The following PRKCSH variants were observed in gnomAD, a reference collection of about 807,000 sequenced individuals.
The protein encoded by PRKCSH is PRKCSH beta subunit of glucosidase II.
In PRKCSH, 42 loss-of-function variants were observed where a neutral mutation model predicts 79.7. That is an observed-to-expected ratio of 0.53 (90% CI 0.41 to 0.68). The LOEUF is 0.68. Among genes scored for constraint, PRKCSH ranks in the 30% least tolerant of loss-of-function variants. PRKCSH has a pLI of 0.00. For missense variants in PRKCSH, 686 were observed against 709.0 expected (o/e 0.97, Z 0.37); for synonymous variants, 325 against 288.2 (o/e 1.13, Z -1.29).
rs930267830 is a variant in PRKCSH, at chr19:11,449,637, G to A, written c.*16+209G>A. The A allele has an allele frequency of 2.1e-5, 13 of 624,058 alleles. No individual in the cohort carries two copies. Among genetic ancestry groups the A allele is most frequent in the Non-Finnish European group, 3.6e-5 (13 of 362,174 alleles). The allele number at this position is 624,058 out of a possible 1,614,324, so 38.7% of individuals were successfully genotyped here. A position where few individuals can be genotyped will look rare whatever the true frequency, so the allele number is the denominator to read the frequency against. ...AGCTGACTGCAACCTCTACCTCCCG[G>A]GTTCAAACAATTGTCTTGTCTCAGC... is the stretch of plus-strand genomic sequence containing the variant. On this transcript the variant is annotated intron_variant, in intron 17 of 17. Coordinates refer to ENST00000677123, the MANE Select transcript of PRKCSH (RefSeq NM_001289104.2). The surrounding 1 kb of genome is among the most constrained non-coding windows in gnomAD (Gnocchi z 6.4).
intron 7 of PRKCSH, 105 bp from the exon 8 acceptor site, chr19:11,445,284 G>A (rs928805211): frequency 9.7e-6 from 10 of 1,030,942 alleles, no homozygotes; most frequent in East Asian, 9.5e-5. Flanking sequence ...TCCAGCATGG[G>A]GCCAGGCATA....
chr19:11,436,009 C>G lies in PRKCSH; in HGVS notation c.-77-32C>G, dbSNP rs1055797698. 29 of 1,451,822 alleles carry G rather than the reference C, an allele frequency of 2.0e-5. No homozygotes were observed. In the East Asian group the frequency reaches 6.6e-4, roughly 33 times the overall value. 89.9% of individuals were successfully genotyped at this position (1,451,822 alleles called of 1,614,324 possible). ...TCCAATTGGCTGGAAGTAGCCCTCTCCCACTGACCGGGATCCGCTTTCTTC... is the reference window on the plus strand; with the variant it reads ...TCCAATTGGCTGGAAGTAGCCCTCTGCCACTGACCGGGATCCGCTTTCTTC... On this transcript the variant is annotated intron_variant, in intron 1 of 17. Transcript: ENST00000677123.
rs565724682 is a variant in PRKCSH at position 11,447,341 on chromosome 19, G to A, written c.850-98G>A. On this transcript the variant is annotated intron_variant, in intron 10 of 17. Transcript: ENST00000677123. The surrounding 1 kb of genome is among the most constrained non-coding windows in gnomAD (Gnocchi z 5.6). Reference sequence around the variant, plus strand: ...TCCTCCCTGCAGGCCCCGCAGGAGGGGCAGAGACACCGAGGCTGCCCCTTG... The same window carrying A: ...TCCTCCCTGCAGGCCCCGCAGGAGGAGCAGAGACACCGAGGCTGCCCCTTG... 1.3e-5 allele frequency: 18 copies of A among 1,429,022 alleles called. No individual in the cohort carries two copies. In the South Asian group the frequency reaches 1.8e-4, roughly 14 times the overall value. The allele number at this position is 1,429,022 out of a possible 1,614,324, so 88.5% of individuals were successfully genotyped here. A position where few individuals can be genotyped will look rare whatever the true frequency, so the allele number is the denominator to read the frequency against.
chr19:11,445,093 T>C (rs1970233072), intron 7 of PRKCSH, among the ~76,000 whole-genome samples: 1 of 152,132 alleles, frequency 6.6e-6, no homozygotes, highest in Admixed American at 6.5e-5. Flanking sequence ...GGCTGCCCTC[T>C]GCCACCTGGG....
Position 11,437,891 on chromosome 19 carries a change from C to G in PRKCSH, c.212C>G (p.Pro71Arg). 1.2e-6 allele frequency: 2 copies of G among 1,614,170 alleles called. No individual in the cohort carries two copies. Among genetic ancestry groups the G allele is most frequent in the East Asian group, 2.2e-5 (1 of 44,890 alleles). The change falls in exon 4 of 18, where the codon CCT becomes CGT. Residue 71 changes from proline (P) to arginine (R), a missense_variant. Physicochemically the swap from Pro to Arg is moderately radical, Grantham distance 103. Coordinates refer to ENST00000677123, the MANE Select transcript of PRKCSH (RefSeq NM_001289104.2). ...TTCCTCACAGGCACGGCTGCCTGTC[C>G]TAATGGCAGCTTCCACTGCACCAAC... ...GSDEPGTAACPNGSFHCTNTG... is the reference protein window; with the variant it reads ...GSDEPGTAACRNGSFHCTNTG...
In PRKCSH at chr19:11,448,124, ATG is replaced by A; in HGVS notation, c.1127-97_1127-96del. 1 of 1,298,872 alleles carries A rather than the reference ATG, an allele frequency of 7.7e-7. No individual in the cohort carries two copies. Among genetic ancestry groups the A allele is most frequent in the Non-Finnish European group, 1.1e-6 (1 of 918,764 alleles). 80.5% of individuals were successfully genotyped at this position (1,298,872 alleles called of 1,614,324 possible). A position where few individuals can be genotyped will look rare whatever the true frequency, so the allele number is the denominator to read the frequency against. On this transcript the variant is annotated intron_variant, in intron 12 of 17. Transcript: ENST00000677123. This position sits in a 1 kb window ranked among gnomAD's most constrained non-coding sequence, Gnocchi z 4.4. ...GGGTGAAGTCCTTGGCCAGAGCAAA[ATG>A]AGGGTATGGGAGCACACAGCCACAT...
intron 9 of PRKCSH, among the ~76,000 whole-genome samples, 184 bp downstream of exon 9, chr19:11,446,534 C>A (rs1017816582): frequency 6.6e-6 from 1 of 151,962 alleles, no homozygotes; most frequent in South Asian, 2.1e-4. Flanking sequence ...AGCCAGGTCG[C>A]GCTGGAGCCC....
At chr19:11,446,046 T>A (rs1341053611) in intron 8 of PRKCSH, among the ~76,000 whole-genome samples, 1 of 151,526 alleles carries the variant, frequency 6.6e-6, no homozygotes, top group Non-Finnish European at 1.5e-5. Flanking sequence ...CATCGGACAT[T>A]TGGGGGTCCA....
In PRKCSH at chr19:11,449,133, G is replaced by C. The variant is rs1209749173; in HGVS notation, c.1419G>C (p.Glu473Asp). ...DHDKFSAMKY[E>D]QGTGCWQGPN... ...ACAAGTTCAGTGCCATGAAGTATGA[G>C]CAAGGCACGGGCTGCTGGCAGGGCC... Residue 473 changes from glutamate to aspartate, a missense_variant, in exon 16 of 18, where the codon GAG becomes GAC. By Grantham distance (45) the Glu-to-Asp change is conservative. This residue lies in a region of PRKCSH where 137 missense variants were observed against 188.8 expected (regional missense o/e 0.73). Transcript: ENST00000677123. This position sits in a 1 kb window ranked among gnomAD's most constrained non-coding sequence, Gnocchi z 6.4. 4.3e-6 allele frequency: 7 copies of C among 1,613,736 alleles called. No individual in the cohort carries two copies. The highest frequency in any genetic ancestry group is 4.0e-5 in the African/African-American group (3 of 74,928).
chr19:11,438,950 C>T (rs550906335), intron 5 of PRKCSH, among the ~76,000 whole-genome samples: 7 of 151,756 alleles, frequency 4.6e-5, no homozygotes, highest in Non-Finnish European at 8.8e-5. Context: ...CTCTGTCGCC[C>T]AGGCTGGAGT....
In PRKCSH at chr19:11,438,098, C is replaced by T. The variant is rs368596083; in HGVS notation, c.324C>T (p.Ser108=). 85 of 1,614,122 alleles carry T rather than the reference C, an allele frequency of 5.3e-5. 2 individuals are homozygous for T. The highest frequency in any genetic ancestry group is 4.1e-4 in the South Asian group (37 of 91,070). ...GCGATGGAACAGACGAGTACAACAG[C>T]GGCGTCATCTGTGAGAACACCTGCA... ...DCCDGTDEYN[S]GVICENTCKE... Residue 108 remains serine, a synonymous_variant, in exon 5 of 18, where the codon AGC becomes AGT. Coordinates refer to ENST00000677123, the MANE Select transcript of PRKCSH (RefSeq NM_001289104.2).
In PRKCSH at chr19:11,450,756, C is replaced by A. The variant is rs1017055198; in HGVS notation, c.*127C>A. On this transcript the variant is annotated 3_prime_UTR_variant, in exon 18 of 18. Coordinates refer to ENST00000677123, the MANE Select transcript of PRKCSH (RefSeq NM_001289104.2). Reference sequence around the variant, plus strand: ...TGGCGGCAGGACCTTTGTGGGGCTTCGTGCCCTGCTCTGGGGCCCAGGCGG... The same window carrying A: ...TGGCGGCAGGACCTTTGTGGGGCTTAGTGCCCTGCTCTGGGGCCCAGGCGG... 2.0e-5 allele frequency: 3 copies of A among 152,306 alleles called. No individual in the cohort carries two copies. The allele number at this position is 152,306 out of a possible 1,614,324, so 9.4% of individuals were successfully genotyped here.
Position 11,447,450 on chromosome 19 carries a change from C to T in PRKCSH, c.861C>T (p.Thr287=), listed in dbSNP as rs149732361. 102 of 1,613,868 alleles carry T rather than the reference C, an allele frequency of 6.3e-5. 1 individual carries two copies. In the South Asian group the frequency reaches 8.3e-4, roughly 13 times the overall value. The part of the protein sequence containing the change: ...RDKYRSEALP[T]DLPAPSAPDL... Reference sequence around the variant, plus strand: ...TGCTCACCCGCCAGGCACTGCCCACCGACCTTCCAGCACCTTCTGCCCCTG... The same window carrying T: ...TGCTCACCCGCCAGGCACTGCCCACTGACCTTCCAGCACCTTCTGCCCCTG... Residue 287 remains threonine (T), a synonymous_variant, in exon 11 of 18, where the codon ACC becomes ACT. Transcript: ENST00000677123. The surrounding 1 kb of genome is among the most constrained non-coding windows in gnomAD (Gnocchi z 5.6).
chr19:11,445,088 C>T (rs986996584), intron 7 of PRKCSH, among the ~76,000 whole-genome samples: 33 of 152,188 alleles, frequency 2.2e-4, no homozygotes, highest in Admixed American at 1.2e-3. Context: ...GACAGGGCTG[C>T]CCTCTGCCAC....
chr19:11,449,229 G>A lies in PRKCSH; in HGVS notation c.1462-37G>A. On this transcript the variant is annotated intron_variant, in intron 16 of 17. Transcript: ENST00000677123. This position sits in a 1 kb window ranked among gnomAD's most constrained non-coding sequence, Gnocchi z 6.4. Reference sequence around the variant, plus strand: ...GGCGGGGAGACCCAGGCCTGGCCCAGCCGAACCCTCTCGAGCACCCGTCTG... The same window carrying A: ...GGCGGGGAGACCCAGGCCTGGCCCAACCGAACCCTCTCGAGCACCCGTCTG... 1.9e-6 allele frequency: 3 copies of A among 1,613,616 alleles called. No homozygotes were observed. Among genetic ancestry groups the A allele is most frequent in the Non-Finnish European group, 2.5e-6 (3 of 1,179,944 alleles).
chr19:11,439,215 C>T (rs990145602), intron 5 of PRKCSH, among the ~76,000 whole-genome samples: 1 of 152,022 alleles, frequency 6.6e-6, no homozygotes, highest in Non-Finnish European at 1.5e-5. Flanking sequence ...TTTTTATGCA[C>T]GTGTGAGAGA....
At chr19:11,438,151 T>TCACCC in intron 5 of PRKCSH, 27 bp downstream of exon 5, 3 of 1,612,664 alleles carry the variant, frequency 1.9e-6, no homozygotes, top group Non-Finnish European at 2.5e-6. Context: ...ACCCCTCCCA[T>TCACCC]CACCCCACCC....
At chr19:11,435,990 T>C (rs944724520) in intron 1 of PRKCSH, 51 bp from the exon 2 acceptor site, 2 of 1,297,506 alleles carry the variant, frequency 1.5e-6, no homozygotes, top group African/African-American at 2.9e-5. Context: ...GGAATCCAAT[T>C]GGCTGGAAGT....
chr19:11,441,149 G>A, intron 5 of PRKCSH, 91 bp from the exon 6 acceptor site: 1 of 1,266,396 alleles, frequency 7.9e-7, no homozygotes, highest in Non-Finnish European at 1.2e-6. Flanking sequence ...CTTGGTGGGG[G>A]GCCACAGCTG....
Sources: gnomAD v4.1 joint callset for allele counts (sites outside exome capture counted in the v4.1 genomes callset) on GRCh38, gnomAD v4.1.1 for gene constraint, gnomAD v4.1.1 regional missense constraint, Gnocchi (gnomAD v3.1) non-coding constraint, MANE v1.5 for transcripts, NCBI Gene and HGNC (gene_info 2026-07-23, HGNC 2026-07-21) for gene names.